NCR3LG1: variants seen among roughly 807,000 people sequenced by gnomAD.
NCR3LG1 encodes natural killer cell cytotoxicity receptor 3 ligand 1.
NCR3LG1 carries 35 observed loss-of-function variants against 34.8 expected under a neutral mutation model. The observed-to-expected ratio is 1.01, with a 90% CI of 0.77 to 1.33. The LOEUF (loss-of-function observed/expected upper bound fraction) is 1.33, where lower values mean the gene tolerates loss of function less well. NCR3LG1 is among the 40% of genes most tolerant of loss of function. The pLI is 0.00. For missense variants in NCR3LG1, 452 were observed against 423.3 expected (o/e 1.07, Z -0.60); for synonymous variants, 173 against 163.6 (o/e 1.06, Z -0.44).
At chr11:17,378,089 G>A (rs1251454474), downstream of NCR3LG1, among the ~76,000 whole-genome samples, 1 of 152,022 alleles carries the variant, frequency 6.6e-6, no homozygotes. Context: ...ATGCCACAAG[G>A]GTAGAAGCTA....
Position 17,376,818 on chromosome 11 carries a change from T to C in NCR3LG1, c.*4306T>C, listed in dbSNP as rs1386328826. 6.6e-6 allele frequency: 1 copy of C among 152,142 alleles called. No homozygotes were observed. Among genetic ancestry groups the C allele is most frequent in the Non-Finnish European group, 1.5e-5 (1 of 68,038 alleles). The allele number at this position is 152,142 out of a possible 1,614,324, so 9.4% of individuals were successfully genotyped here. A position where few individuals can be genotyped will look rare whatever the true frequency, so the allele number is the denominator to read the frequency against. On this transcript the variant is annotated 3_prime_UTR_variant, in exon 5 of 5. Transcript: ENST00000338965. ...GATCTCAAATATTATAACACCATACTTGTAATTGCTGAAAGCTCGGAAGTT... is the reference window on the plus strand; with the variant it reads ...GATCTCAAATATTATAACACCATACCTGTAATTGCTGAAAGCTCGGAAGTT...
intron 2 of NCR3LG1, among the ~76,000 whole-genome samples, chr11:17,359,970 C>T (rs1028803217): frequency 2.6e-4 from 40 of 152,122 alleles, no homozygotes; most frequent in African/African-American, 8.9e-4. Flanking sequence ...GGCTGGAGTG[C>T]AGTGGTGTGA....
intron 2 of NCR3LG1, among the ~76,000 whole-genome samples, chr11:17,366,587 T>A (rs34258625): frequency 0.22 from 32,967 of 152,154 alleles, 3,938 homozygotes; most frequent in African/African-American, 0.29. Flanking sequence ...GAAAGGTGTC[T>A]GTTTCACAAC....
rs1953136532 is a variant in NCR3LG1 at position 17,351,832 on chromosome 11, G to A, written c.-138G>A. 2 of 680,674 alleles carry A rather than the reference G, an allele frequency of 2.9e-6. No individual in the cohort carries two copies. Among genetic ancestry groups the A allele is most frequent in the Non-Finnish European group, 5.0e-6 (2 of 397,192 alleles). The allele number at this position is 680,674 out of a possible 1,614,324, so 42.2% of individuals were successfully genotyped here. ...CCGAAGGGATCTGAAGAAGTGGGAT[G>A]TGCAAAAGCGCCGGCTGGAAATCCC... On this transcript the variant is annotated 5_prime_UTR_variant, in exon 1 of 5. It adds an upstream start codon to the 5' untranslated region. Transcript: ENST00000338965.
downstream of NCR3LG1, among the ~76,000 whole-genome samples, chr11:17,379,560 G>A (rs1953503106): frequency 6.6e-6 from 1 of 152,134 alleles, no homozygotes; most frequent in African/African-American, 2.4e-5. Flanking sequence ...GCTGGGAGAA[G>A]AACAGGTCGA....
At chr11:17,369,165 C>T (rs1953380261) in intron 4 of NCR3LG1, among the ~76,000 whole-genome samples, 1 of 152,180 alleles carries the variant, frequency 6.6e-6, no homozygotes, top group Non-Finnish European at 1.5e-5. Context: ...CTGTCACATA[C>T]CATCTGACCT....
chr11:17,363,168 C>G (rs1377133396), intron 2 of NCR3LG1, among the ~76,000 whole-genome samples: 7 of 151,426 alleles, frequency 4.6e-5, no homozygotes, highest in Non-Finnish European at 1.0e-4. Flanking sequence ...AAGTGATCCT[C>G]CCACCTTGGT....
In NCR3LG1 at chr11:17,356,684, C is replaced by CCA; in HGVS notation, c.104_105insCA (p.Gln36IlefsTer6). 2 of 1,535,774 alleles carry CCA rather than the reference C, an allele frequency of 1.3e-6. No individual in the cohort carries two copies. Among genetic ancestry groups the CCA allele is most frequent in the Non-Finnish European group, 1.7e-6 (2 of 1,146,594 alleles). On this transcript the variant is annotated frameshift_variant, in exon 2 of 5. Coordinates refer to ENST00000338965, the MANE Select transcript of NCR3LG1 (RefSeq NM_001202439.3). LOFTEE classifies it high-confidence loss of function. Reference sequence around the variant, plus strand: ...AAAGTAGAGATGATGGCAGGGGGGACTCAGATCACACCCCTGAATGACAAT... The same window carrying CCA: ...AAAGTAGAGATGATGGCAGGGGGGACCATCAGATCACACCCCTGAATGACAAT...
At chr11:17,371,977 G>T in intron 4 of NCR3LG1, 29 bp from the exon 5 acceptor site, 1 of 687,256 alleles carries the variant, frequency 1.5e-6, no homozygotes, top group South Asian at 1.5e-5. Context: ...AGGAGACTAA[G>T]GGATGCCTTT....
Position 17,351,986 on chromosome 11 carries a change from C to T in NCR3LG1, c.17C>T (p.Ala6Val). 3 of 1,526,966 alleles carry T rather than the reference C, an allele frequency of 2.0e-6. No individual in the cohort carries two copies. The highest frequency in any genetic ancestry group is 2.6e-6 in the Non-Finnish European group (3 of 1,142,546). The allele number at this position is 1,526,966 out of a possible 1,614,324, so 94.6% of individuals were successfully genotyped here. ...GCCGCGGCGATGACGTGGAGGGCTG[C>T]CGCCTCCACGTGCGCGGCGCTCCTG... MTWRA[A>V]ASTCAALLIL... is the part of the protein sequence containing the mutation. Residue 6 changes from alanine (A) to valine (V), a missense_variant, in exon 1 of 5, where the codon GCC becomes GTC. Physicochemically the swap from Ala to Val is moderately conservative, Grantham distance 64. Coordinates refer to ENST00000338965, the MANE Select transcript of NCR3LG1 (RefSeq NM_001202439.3).
rs1205885651 is a variant in NCR3LG1 at position 17,367,104 on chromosome 11, A to G, written c.517A>G (p.Ile173Val). ...CESSGFYPEAINITWEKQTQK... is the reference protein window; with the variant it reads ...CESSGFYPEAVNITWEKQTQK... ...GTCAAGTGGGTTCTACCCAGAGGCT[A>G]TTAATATAACATGGGAGAAGCAGAC... Residue 173 changes from isoleucine to valine, a missense_variant, in exon 3 of 5, where the codon ATT becomes GTT. By Grantham distance (29) the Ile-to-Val change is conservative. Transcript: ENST00000338965. The G allele has an allele frequency of 2.1e-5, 32 of 1,536,334 alleles. No homozygotes were observed. The highest frequency in any genetic ancestry group is 2.8e-5 in the Non-Finnish European group (32 of 1,146,922).
intron 2 of NCR3LG1, among the ~76,000 whole-genome samples, chr11:17,363,525 TCCCTCCCTCCCTCCCTC>T (rs1953307431): frequency 1.9e-5 from 1 of 52,318 alleles, no homozygotes; most frequent in Non-Finnish European, 3.3e-5. Context: ...CCTCCCTCCC[TCCCTCCCTCCCTCCCTC>T]CCTTCCTTCC....
intron 4 of NCR3LG1, among the ~76,000 whole-genome samples, chr11:17,370,870 C>A (rs949510746): frequency 1.3e-5 from 2 of 152,166 alleles, no homozygotes; most frequent in African/African-American, 4.8e-5. Context: ...GTCTTTATAG[C>A]CTGGGGAGAT....
At chr11:17,358,079 A>G (rs1276273968) in intron 2 of NCR3LG1, among the ~76,000 whole-genome samples, 1 of 152,222 alleles carries the variant, frequency 6.6e-6, no homozygotes, top group East Asian at 1.9e-4. Flanking sequence ...CAAAAATAGT[A>G]TGAGAGTTCT....
chr11:17,377,543 C>T (rs573203322), downstream of NCR3LG1, among the ~76,000 whole-genome samples: 136 of 152,256 alleles, frequency 8.9e-4, 4 homozygotes, highest in South Asian at 0.027. Context: ...TCTCATTTAG[C>T]ATGTAAAATT....
At chr11:17,364,753 T>C (rs201948009) in intron 2 of NCR3LG1, among the ~76,000 whole-genome samples, 1 of 150,836 alleles carries the variant, frequency 6.6e-6, no homozygotes, top group African/African-American at 2.4e-5. Context: ...TCCATATTGG[T>C]CAGGCTGGTC....
At chr11:17,371,924 C>T in intron 4 of NCR3LG1, 82 bp from the exon 5 acceptor site, 1 of 617,276 alleles carries the variant, frequency 1.6e-6, no homozygotes, top group Non-Finnish European at 2.9e-6. Context: ...GGGGGACGCC[C>T]CTTCCATTTT....
chr11:17,376,562 T>C lies in NCR3LG1; in HGVS notation c.*4050T>C, dbSNP rs1224286017. On this transcript the variant is annotated 3_prime_UTR_variant, in exon 5 of 5. Transcript: ENST00000338965. ...GGTATTTACTGTCTTAGCATTCCCT[T>C]TGTTAGCTTTACCTTTAGCCATTAA... 6.6e-6 allele frequency: 1 copy of C among 152,212 alleles called. No individual in the cohort carries two copies. Among genetic ancestry groups the C allele is most frequent in the Admixed American group, 6.5e-5 (1 of 15,286 alleles). The allele number at this position is 152,212 out of a possible 1,614,324, so 9.4% of individuals were successfully genotyped here.
intron 4 of NCR3LG1, among the ~76,000 whole-genome samples, chr11:17,369,223 T>C (rs994785399): frequency 1.3e-5 from 2 of 152,222 alleles, no homozygotes; most frequent in Non-Finnish European, 2.9e-5. Context: ...AAAGCCTCCC[T>C]CTCTTTCTCC....
Sources: allele counts gnomAD v4.1 joint callset (sites outside exome capture counted in the v4.1 genomes callset), GRCh38; gene constraint gnomAD v4.1.1; transcripts MANE v1.5; gene names NCBI Gene and HGNC (gene_info 2026-07-23, HGNC 2026-07-21).